Variants in DMRT1 observed in about 807,000 individuals in gnomAD.
DMRT1 encodes the protein doublesex and mab-3 related transcription factor 1, also known as doublesex- and mab-3-related transcription factor 1.
Under a neutral mutation model 32.3 loss-of-function variants are expected in DMRT1, and 7 were observed. The ratio of observed to expected loss-of-function variants is 0.22; its 90% confidence interval spans 0.12 to 0.41. The LOEUF (loss-of-function observed/expected upper bound fraction) is 0.41, where lower values mean the gene tolerates loss of function less well. DMRT1 is among the 10% of genes least tolerant of loss of function. The pLI, the probability that DMRT1 is intolerant of heterozygous loss-of-function variation, is 1.00. For missense variants in DMRT1, 625 were observed against 500.5 expected (o/e 1.25, Z -2.37); for synonymous variants, 278 against 206.1 (o/e 1.35, Z -2.99).
At chr9:959,105 A>G (rs1464016074) in intron 4 of DMRT1, among the ~76,000 whole-genome samples, 1 of 152,256 alleles carries the variant, frequency 6.6e-6, no homozygotes, top group East Asian at 1.9e-4. Flanking sequence ...TTACTTTTGT[A>G]TCTGAGAAAA....
chr9:912,155 G>A (rs1818013183), intron 3 of DMRT1, among the ~76,000 whole-genome samples: 1 of 152,172 alleles, frequency 6.6e-6, no homozygotes, highest in South Asian at 2.1e-4. Context: ...AGAGAACAGG[G>A]GAAACTGCCA....
chr9:919,706 A>G (rs545372785), intron 4 of DMRT1, among the ~76,000 whole-genome samples: 1 of 152,166 alleles, frequency 6.6e-6, no homozygotes, highest in African/African-American at 2.4e-5. Context: ...CTGTTTTCTT[A>G]TAGACTATAG....
intron 3 of DMRT1, among the ~76,000 whole-genome samples, chr9:911,375 A>G (rs1407897594): frequency 6.6e-6 from 1 of 150,452 alleles, no homozygotes; most frequent in Non-Finnish European, 1.5e-5. Flanking sequence ...AGCCAAAAGT[A>G]GCAGGGTTGT....
intron 4 of DMRT1, among the ~76,000 whole-genome samples, chr9:940,968 A>G (rs1056932317): frequency 3.9e-5 from 6 of 152,228 alleles, no homozygotes; most frequent in African/African-American, 1.2e-4. Flanking sequence ...GGGAATGCAA[A>G]TAAGAATGAC....
At chr9:862,766 GA>G (rs1264380004) in intron 2 of DMRT1, among the ~76,000 whole-genome samples, 10 of 147,848 alleles carry the variant, frequency 6.8e-5, no homozygotes, top group African/African-American at 2.7e-4. Context: ...ATTCCCTTCT[GA>G]GAGTGGCTGC....
intron 3 of DMRT1, among the ~76,000 whole-genome samples, chr9:902,300 C>A (rs1214906610): frequency 6.7e-6 from 1 of 150,166 alleles, no homozygotes. Context: ...AAGTTGATAC[C>A]CGTTGTCTCT....
intron 1 of DMRT1, among the ~76,000 whole-genome samples, chr9:843,419 C>T (rs1412896136): frequency 6.6e-6 from 1 of 152,210 alleles, no homozygotes; most frequent in Non-Finnish European, 1.5e-5. Context: ...AATTTGCATT[C>T]TCGACCGAAG....
At chr9:872,283 G>T (rs1026936732) in intron 2 of DMRT1, among the ~76,000 whole-genome samples, 3 of 151,576 alleles carry the variant, frequency 2.0e-5, no homozygotes, top group East Asian at 3.9e-4. Flanking sequence ...GGCTGGTCTC[G>T]AACTCCTGAC....
intron 2 of DMRT1, among the ~76,000 whole-genome samples, chr9:892,897 T>C (rs2132650174): frequency 6.6e-6 from 1 of 152,280 alleles, no homozygotes; most frequent in South Asian, 2.1e-4. Flanking sequence ...TTCCACTCCT[T>C]TGTCCTTGCT....
intron 4 of DMRT1, among the ~76,000 whole-genome samples, chr9:937,668 G>A (rs567699021): frequency 6.6e-6 from 1 of 152,254 alleles, no homozygotes; most frequent in African/African-American, 2.4e-5. Flanking sequence ...GCCTGTTCAA[G>A]TCATTTGCAC....
At chr9:924,013 G>T (rs1818439197) in intron 4 of DMRT1, among the ~76,000 whole-genome samples, 1 of 151,986 alleles carries the variant, frequency 6.6e-6, no homozygotes, top group Admixed American at 6.6e-5. Context: ...ACTATCCCAG[G>T]AGACGAGGTC....
intron 4 of DMRT1, among the ~76,000 whole-genome samples, chr9:919,349 A>G (rs1818282968): frequency 6.8e-6 from 1 of 147,566 alleles, no homozygotes; most frequent in South Asian, 2.2e-4. Context: ...TAAAAAAATG[A>G]ACCCAAGTTC....
intron 2 of DMRT1, among the ~76,000 whole-genome samples, chr9:856,635 AT>A (rs1255943657): frequency 6.6e-6 from 1 of 152,154 alleles, no homozygotes; most frequent in Non-Finnish European, 1.5e-5. Context: ...TTTTCTGTTT[AT>A]CAGCTGATGA....
At chr9:887,517 C>G (rs767497029) in intron 2 of DMRT1, among the ~76,000 whole-genome samples, 1 of 152,192 alleles carries the variant, frequency 6.6e-6, no homozygotes, top group African/African-American at 2.4e-5. Context: ...TCCAGCATAA[C>G]CTTCCATTCT....
chr9:859,933 GT>G (rs1400277503), intron 2 of DMRT1, among the ~76,000 whole-genome samples: 1 of 152,180 alleles, frequency 6.6e-6, no homozygotes, highest in Non-Finnish European at 1.5e-5. Flanking sequence ...GACTTTCAAT[GT>G]TGATTTCAGA....
At chr9:914,929 T>C (rs1365050352) in intron 3 of DMRT1, among the ~76,000 whole-genome samples, 1 of 152,202 alleles carries the variant, frequency 6.6e-6, no homozygotes, top group Non-Finnish European at 1.5e-5. Context: ...AGTTGGTGAA[T>C]TGTCCAGAAT....
rs147094759 is a variant in DMRT1, at chr9:926,615, G to T, written c.967+9708G>T. Among the ~76,000 whole-genome samples the T allele has an allele frequency of 3.9e-3, 600 of 152,146 alleles. 3 individuals carry two copies. The highest frequency in any genetic ancestry group is 0.013 in the African/African-American group (552 of 41,492). ...TTTAATTTATTCTGTAAAAGCTATA[G>T]ATTGAATACACAGAGCAACTACACA... On this transcript the variant is annotated intron_variant, in intron 4 of 4. Transcript: ENST00000382276.
chr9:851,006 G>C (rs1402216798), intron 2 of DMRT1, among the ~76,000 whole-genome samples: 1 of 139,688 alleles, frequency 7.2e-6, no homozygotes, highest in Non-Finnish European at 1.5e-5. Context: ...TCCGGCCTGG[G>C]CGACAGGGTG....
intron 3 of DMRT1, among the ~76,000 whole-genome samples, chr9:908,968 C>T (rs1817878172): frequency 6.6e-6 from 1 of 152,130 alleles, no homozygotes. Flanking sequence ...CTGTCCACCC[C>T]TCACCCCACA....
Sources: allele counts gnomAD v4.1 joint callset (sites outside exome capture counted in the v4.1 genomes callset), GRCh38; gene constraint gnomAD v4.1.1; transcripts MANE v1.5; gene names NCBI Gene and HGNC (gene_info 2026-07-23, HGNC 2026-07-21).